EDIL3: variants seen among roughly 807,000 people sequenced by gnomAD.
The protein encoded by EDIL3 is EGF like and discoidin domains 3.
In EDIL3, 37 loss-of-function variants were observed where a neutral mutation model predicts 67.4. That is an observed-to-expected ratio of 0.55 (90% CI 0.42 to 0.72). EDIL3 has a LOEUF of 0.72. Among genes scored for constraint, EDIL3 ranks in the 30% least tolerant of loss-of-function variants. The pLI is 0.00. For missense variants in EDIL3, 527 were observed against 586.3 expected (o/e 0.90, Z 1.04); for synonymous variants, 195 against 196.3 (o/e 0.99, Z 0.05).
intron 1 of EDIL3, among the ~76,000 whole-genome samples, chr5:84,292,227 C>T (rs1362419157): frequency 2.6e-5 from 4 of 152,060 alleles, no homozygotes; most frequent in African/African-American, 7.2e-5. Context: ...TATATTTTTA[C>T]ACCATACTCT....
intron 1 of EDIL3, among the ~76,000 whole-genome samples, chr5:84,367,137 C>T (rs1164099599): frequency 6.6e-6 from 1 of 152,116 alleles, no homozygotes; most frequent in African/African-American, 2.4e-5. Context: ...TGTTTTAAGT[C>T]ATGTGGGGAA....
intron 6 of EDIL3, among the ~76,000 whole-genome samples, chr5:84,073,588 C>G (rs1287944131): frequency 2.6e-5 from 4 of 152,220 alleles, no homozygotes; most frequent in Non-Finnish European, 4.4e-5. Context: ...GAGTGAACTC[C>G]CATTCACAAT....
At chr5:84,170,660 T>C (rs2112348303) in intron 4 of EDIL3, among the ~76,000 whole-genome samples, 1 of 152,306 alleles carries the variant, frequency 6.6e-6, no homozygotes, top group Non-Finnish European at 1.5e-5. Flanking sequence ...GAAATCAGTA[T>C]CACCTTTGGC....
At chr5:84,323,765 G>A (rs976409836) in intron 1 of EDIL3, among the ~76,000 whole-genome samples, 2 of 151,718 alleles carry the variant, frequency 1.3e-5, no homozygotes, top group African/African-American at 4.8e-5. Flanking sequence ...GAGCAGAGGT[G>A]GATACACAAA....
chr5:84,212,914 AAT>A (rs1158771566), intron 3 of EDIL3, among the ~76,000 whole-genome samples: 1 of 152,090 alleles, frequency 6.6e-6, no homozygotes, highest in African/African-American at 2.4e-5. Context: ...AGTGTGAATT[AAT>A]AGTTTTAACT....
At chr5:84,074,505 A>G (rs1746812122) in intron 6 of EDIL3, among the ~76,000 whole-genome samples, 1 of 152,190 alleles carries the variant, frequency 6.6e-6, no homozygotes, top group Admixed American at 6.5e-5. Flanking sequence ...TTTACAAGAA[A>G]AAAACAAATA....
rs56944610 is a variant in EDIL3 at position 84,259,162 on chromosome 5, T to C, written c.68-4950A>G. On this transcript the variant is annotated intron_variant, in intron 1 of 10. Coordinates refer to ENST00000296591, the MANE Select transcript of EDIL3 (RefSeq NM_005711.5). ...TTTTAGTAGAGACAGGGTTTCACCA[T>C]GTTAGCCAGGATGGTCTCGATCTCC... Among the ~76,000 whole-genome samples the C allele has an allele frequency of 4.8e-3, 731 of 152,106 alleles. 5 individuals are homozygous for C. The highest frequency in any genetic ancestry group is 0.017 in the African/African-American group (698 of 41,478).
intron 1 of EDIL3, among the ~76,000 whole-genome samples, chr5:84,365,627 T>C (rs1000119234): frequency 6.6e-6 from 1 of 152,128 alleles, no homozygotes. Flanking sequence ...CCAAATGCAA[T>C]AATTTAAAGT....
chr5:84,164,126 C>T (rs909835382), intron 4 of EDIL3, among the ~76,000 whole-genome samples: 8 of 152,002 alleles, frequency 5.3e-5, no homozygotes, highest in East Asian at 1.9e-4. Context: ...AATATATGCC[C>T]TGCTTTTTCC....
intron 1 of EDIL3, among the ~76,000 whole-genome samples, chr5:84,377,307 CAAAAAAAAAAA>C (rs773972385): frequency 2.9e-5 from 2 of 68,092 alleles, no homozygotes; most frequent in African/African-American, 1.1e-4. Flanking sequence ...GACTCCGTCT[CAAAAAAAAAAA>C]AAAAAAAAGA....
intron 7 of EDIL3, among the ~76,000 whole-genome samples, chr5:84,065,779 T>A (rs916709827): frequency 4.6e-5 from 7 of 152,190 alleles, no homozygotes; most frequent in African/African-American, 1.7e-4. Flanking sequence ...TTTTTGCTTT[T>A]AAGAAAATAG....
chr5:84,224,744 A>G (rs912656714), intron 3 of EDIL3, among the ~76,000 whole-genome samples: 2 of 151,572 alleles, frequency 1.3e-5, no homozygotes, highest in Non-Finnish European at 3.0e-5. Flanking sequence ...GACCAAAGTC[A>G]GATAAATATA....
chr5:84,216,198 G>C (rs1298255783), intron 3 of EDIL3, among the ~76,000 whole-genome samples: 1 of 152,194 alleles, frequency 6.6e-6, no homozygotes, highest in African/African-American at 2.4e-5. Context: ...TGTAAGAGGA[G>C]CTAGATTAAG....
chr5:84,019,216 TA>T (rs771522435), intron 9 of EDIL3, among the ~76,000 whole-genome samples: 24 of 152,062 alleles, frequency 1.6e-4, no homozygotes, highest in Non-Finnish European at 2.9e-4. Flanking sequence ...TATGCAGCCA[TA>T]AAAAATGATG....
At chr5:84,095,699 A>G (rs1747249624) in intron 6 of EDIL3, among the ~76,000 whole-genome samples, 1 of 152,212 alleles carries the variant, frequency 6.6e-6, no homozygotes, top group African/African-American at 2.4e-5. Flanking sequence ...AAAGTTTGGA[A>G]AATTTGCAGC....
chr5:84,254,069 A>G lies in EDIL3; in HGVS notation c.196+15T>C. 1 of 1,576,780 alleles carries G rather than the reference A, an allele frequency of 6.3e-7. No individual in the cohort carries two copies. ...TAAAAAGATAACTACTGAAATACTT[A>G]AATTTTGCACTTACCAACCTCCACA... On this transcript the variant is annotated intron_variant, in intron 2 of 10. Transcript: ENST00000296591.
At chr5:84,123,043 T>C (rs1381935122) in intron 5 of EDIL3, among the ~76,000 whole-genome samples, 1 of 151,918 alleles carries the variant, frequency 6.6e-6, no homozygotes, top group Non-Finnish European at 1.5e-5. Context: ...TTATTTTTCC[T>C]CTCTCTCACT....
chr5:84,163,826 T>C (rs1748656361), intron 4 of EDIL3, among the ~76,000 whole-genome samples: 1 of 152,112 alleles, frequency 6.6e-6, no homozygotes, highest in South Asian at 2.1e-4. Context: ...TACTAGAAAA[T>C]GCTATCCATT....
chr5:84,381,494 G>A (rs1287744215), intron 1 of EDIL3, among the ~76,000 whole-genome samples: 2 of 152,138 alleles, frequency 1.3e-5, no homozygotes, highest in Non-Finnish European at 2.9e-5. Context: ...CCTTATTTCT[G>A]TATAAATGTA....
Sources: allele counts gnomAD v4.1 joint callset (sites outside exome capture counted in the v4.1 genomes callset), GRCh38; gene constraint gnomAD v4.1.1; transcripts MANE v1.5; gene names NCBI Gene and HGNC (gene_info 2026-07-23, HGNC 2026-07-21).